The following KDM6B variants were observed in gnomAD, a reference collection of about 807,000 sequenced individuals.
KDM6B encodes the protein lysine demethylase 6B.
Under a neutral mutation model 150.4 loss-of-function variants are expected in KDM6B, and 22 were observed. That is an observed-to-expected ratio of 0.15 (90% CI 0.10 to 0.21). The LOEUF is 0.21. Ranked by LOEUF, KDM6B falls within the 10% of genes least tolerant of loss-of-function variation. KDM6B has a pLI of 1.00. For missense variants in KDM6B, 1,984 were observed against 2,234.3 expected, an observed-to-expected ratio of 0.89 and a Z score of 2.26; for synonymous variants, 1,148 against 921.1, an observed-to-expected ratio of 1.25 and a Z score of -4.46.
Position 7,843,902 on chromosome 17 carries a change from CAG to C in KDM6B, c.-268-998_-268-997del, listed in dbSNP as rs1164663787. Among the ~76,000 whole-genome samples the C allele has an allele frequency of 6.6e-6, 1 of 151,824 alleles. No individual in the cohort carries two copies. The highest frequency in any genetic ancestry group is 2.4e-5 in the African/African-American group (1 of 41,262). ...TGCCCAAGAGAGGGGAGCGCTGTGC[CAG>C]TCGGGGGTCCAGTCGGCACCAAAGC... On this transcript the variant is annotated intron_variant, in intron 2 of 23. Coordinates refer to ENST00000448097, the MANE Select transcript of KDM6B (RefSeq NM_001348716.2). This position sits in a 1 kb window ranked among gnomAD's most constrained non-coding sequence, Gnocchi z 4.5.
At position 7,852,711 on chromosome 17, in the gene KDM6B, C is replaced by T. The variant is rs1164996980; in HGVS notation, c.4610+75C>T. 6 of 1,577,286 alleles carry T rather than the reference C, an allele frequency of 3.8e-6. No homozygotes were observed. In the African/African-American group the frequency reaches 4.0e-5, roughly 11 times the overall value. ...TCTTGTTCTTCCTGTCTGACTCCAC[C>T]CCATTTTTACCTCTCTCCATCCTTG... On this transcript the variant is annotated intron_variant, in intron 21 of 23. Transcript: ENST00000448097.
At chr17:7,850,726 T>A (rs1449178410) in intron 14 of KDM6B, among the ~76,000 whole-genome samples, 1 of 152,228 alleles carries the variant, frequency 6.6e-6, no homozygotes, top group Non-Finnish European at 1.5e-5. Flanking sequence ...GAGCACCTAC[T>A]ATGTGTCTGT....
intron 1 of KDM6B, among the ~76,000 whole-genome samples, chr17:7,836,850 G>A (rs997452101): frequency 3.3e-5 from 5 of 152,186 alleles, no homozygotes; most frequent in African/African-American, 4.8e-5. Flanking sequence ...CTGTGTTAGA[G>A]GTGGCCTGGG....
rs2151378115 is a variant in KDM6B, at chr17:7,849,298, A to G, written c.3010A>G (p.Lys1004Glu). The G allele has an allele frequency of 1.9e-6, 3 of 1,557,142 alleles. No individual in the cohort carries two copies. The highest frequency in any genetic ancestry group is 2.4e-5 in the East Asian group (1 of 41,288). ...VGRRPREGRA[K>E]AKAKVPKEKS... ...TCGTCGGCCCCGTGAGGGCAGGGCA[A>G]AGGCCAAGGCCAAGGTCCCCAAAGA... Residue 1004 changes from lysine to glutamate, a missense_variant, in exon 12 of 24, where the codon AAG (lysine) becomes GAG (glutamate). Lys to Glu is a moderately conservative substitution (Grantham distance 56, BLOSUM62 1). Coordinates refer to ENST00000448097, the MANE Select transcript of KDM6B (RefSeq NM_001348716.2).
chr17:7,851,820 T>A (rs374255317), intron 18 of KDM6B, 24 bp downstream of exon 18: 1 of 1,557,824 alleles, frequency 6.4e-7, no homozygotes, highest in Non-Finnish European at 8.7e-7. Flanking sequence ...CTGTGCGCGC[T>A]GATGCTGGAA....
At chr17:7,839,162 T>A (rs974373182) in intron 1 of KDM6B, among the ~76,000 whole-genome samples, 1 of 152,210 alleles carries the variant, frequency 6.6e-6, no homozygotes, top group African/African-American at 2.4e-5. Flanking sequence ...GATGGACACC[T>A]GATTCTTGGC....
intron 21 of KDM6B, 87 bp downstream of exon 21, chr17:7,852,723 T>C (rs1179669574): frequency 1.9e-6 from 3 of 1,566,414 alleles, no homozygotes; most frequent in Non-Finnish European, 1.8e-6. Context: ...CATTTTTACC[T>C]CTCTCCATCC....
chr17:7,835,139 C>T (rs1567779975), intron 1 of KDM6B, among the ~76,000 whole-genome samples: 1 of 152,138 alleles, frequency 6.6e-6, no homozygotes. Flanking sequence ...GTGATCTGGG[C>T]CCCCTCACAG....
intron 2 of KDM6B, among the ~76,000 whole-genome samples, chr17:7,842,941 A>T (rs904265930): frequency 6.6e-6 from 1 of 152,100 alleles, no homozygotes; most frequent in African/African-American, 2.4e-5. Context: ...GCTGGCGAGA[A>T]TGAGTGTGTG....
In KDM6B at chr17:7,853,626, G is replaced by A; in HGVS notation, c.*105G>A. On this transcript the variant is annotated 3_prime_UTR_variant, in exon 24 of 24. Coordinates refer to ENST00000448097, the MANE Select transcript of KDM6B (RefSeq NM_001348716.2). ...CCGCCTGTGGCCGAGAAGGGGGTCG[G>A]GCCCAGCCCTTCCACCCCATTGGCA... The A allele has an allele frequency of 1.2e-6, 1 of 839,234 alleles. No homozygotes were observed. The highest frequency in any genetic ancestry group is 1.6e-6 in the Non-Finnish European group (1 of 615,244). 52.0% of individuals were successfully genotyped at this position (839,234 alleles called of 1,614,324 possible).
intron 15 of KDM6B, 34 bp from the exon 16 acceptor site, chr17:7,851,296 C>G (rs1359290271): frequency 6.2e-7 from 1 of 1,613,812 alleles, no homozygotes; most frequent in Non-Finnish European, 8.5e-7. Context: ...CGAAAGGTCT[C>G]TGACCCAGGC....
chr17:7,836,170 G>C (rs934023295), intron 1 of KDM6B, among the ~76,000 whole-genome samples: 5 of 152,232 alleles, frequency 3.3e-5, no homozygotes, highest in Non-Finnish European at 7.3e-5. Context: ...GGAAGCCCCG[G>C]ACGGCCCAGG....
At chr17:7,842,037 C>T (rs2078426384) in intron 2 of KDM6B, among the ~76,000 whole-genome samples, 1 of 152,252 alleles carries the variant, frequency 6.6e-6, no homozygotes. Flanking sequence ...TGATTGCCGG[C>T]TAGGTAAAAC....
At chr17:7,834,404 A>C (rs907491099) in intron 1 of KDM6B, among the ~76,000 whole-genome samples, 54 bp downstream of exon 1, 4 of 152,020 alleles carry the variant, frequency 2.6e-5, no homozygotes, top group East Asian at 3.9e-4. Context: ...TCCTTGCAGC[A>C]GGGCAGGACG....
Position 7,851,640 on chromosome 17 carries a change from CA to C in KDM6B, c.4017-7del. The C allele has an allele frequency of 6.3e-7, 1 of 1,594,550 alleles. No individual in the cohort carries two copies. Among genetic ancestry groups the C allele is most frequent in the East Asian group, 2.3e-5 (1 of 44,300 alleles). On this transcript the variant is annotated splice_region_variant and splice_polypyrimidine_tract_variant and intron_variant, in intron 17 of 23. Coordinates refer to ENST00000448097, the MANE Select transcript of KDM6B (RefSeq NM_001348716.2). ...GGTGTAGCCTCTCGTCGCACTTCCG[CA>C]CCGCAGGTGGAAGCCCCAGCTGCAG...
rs770896288 is a variant in KDM6B at position 7,849,941 on chromosome 17, C to T, written c.3561C>T (p.Ser1187=). 3.1e-6 allele frequency: 5 copies of T among 1,613,652 alleles called. No individual in the cohort carries two copies. Among genetic ancestry groups the T allele is most frequent in the Non-Finnish European group, 4.2e-6 (5 of 1,180,036 alleles). ...AAAAACTCAACCCCCCTACACCCAG[C>T]ATCTATGTATGTGTGCCACTTGGCC... ...PREKLNPPTP[S]IYLESKRDAF... Residue 1187 remains serine (S), a synonymous_variant, in exon 13 of 24, where the codon AGC becomes AGT. Transcript: ENST00000448097.
chr17:7,846,796 T>A (rs1418745567), intron 9 of KDM6B, 23 bp from the exon 10 acceptor site: 2 of 1,613,564 alleles, frequency 1.2e-6, no homozygotes, highest in Admixed American at 3.3e-5. Context: ...GGAATGGGAT[T>A]CTCACACTCT....
Position 7,854,103 on chromosome 17 carries a change from A to G in KDM6B, c.*582A>G, listed in dbSNP as rs1567806738. On this transcript the variant is annotated 3_prime_UTR_variant, in exon 24 of 24. Coordinates refer to ENST00000448097, the MANE Select transcript of KDM6B (RefSeq NM_001348716.2). ...ATTTATAACAGTCCCACTCACCTCTATTTATTCATTTTTGGGAAAACCCGA... is the reference window on the plus strand; with the variant it reads ...ATTTATAACAGTCCCACTCACCTCTGTTTATTCATTTTTGGGAAAACCCGA... 1.3e-5 allele frequency: 2 copies of G among 151,776 alleles called. No individual in the cohort carries two copies. The highest frequency in any genetic ancestry group is 2.0e-4 in the South Asian group (1 of 4,886). 9.4% of individuals were successfully genotyped at this position (151,776 alleles called of 1,614,324 possible). A position where few individuals can be genotyped will look rare whatever the true frequency, so the allele number is the denominator to read the frequency against.
chr17:7,845,235 G>T, intron 3 of KDM6B, 79 bp from the exon 4 acceptor site: 1 of 508,142 alleles, frequency 2.0e-6, no homozygotes, highest in Non-Finnish European at 3.6e-6. Context: ...ATTGGTGGAT[G>T]CCACAGTCCG....
Sources: gnomAD v4.1 joint callset for allele counts (sites outside exome capture counted in the v4.1 genomes callset) on GRCh38, gnomAD v4.1.1 for gene constraint, Gnocchi (gnomAD v3.1) non-coding constraint, MANE v1.5 for transcripts, NCBI Gene and HGNC (gene_info 2026-07-23, HGNC 2026-07-21) for gene names.